KMT2E: variants seen among roughly 807,000 people sequenced by gnomAD.
The protein encoded by KMT2E is histone reader KMT2E.
A neutral mutation model predicts 184.6 loss-of-function variants in KMT2E; 30 were observed. The ratio of observed to expected loss-of-function variants is 0.16; its 90% CI spans 0.12 to 0.22. KMT2E has a LOEUF of 0.22. KMT2E is among the 10% of genes least tolerant of loss of function. The pLI is 1.00. For synonymous variants in KMT2E, 815 were observed against 776.5 expected (o/e 1.05, Z -0.82); for missense variants, 2,023 against 2,237.4 (o/e 0.90, Z 1.93).
At chr7:105,095,703 G>A (rs562115882) in intron 15 of KMT2E, among the ~76,000 whole-genome samples, 17 of 152,282 alleles carry the variant, frequency 1.1e-4, no homozygotes, top group Admixed American at 9.8e-4. Context: ...ATGTGGAACT[G>A]CATGGTTATT....
intron 15 of KMT2E, among the ~76,000 whole-genome samples, chr7:105,093,977 A>G (rs554322793): frequency 1.6e-4 from 24 of 152,314 alleles, no homozygotes; most frequent in African/African-American, 5.5e-4. Flanking sequence ...ATTAAAATCT[A>G]AAAATCCTTG....
At chr7:105,073,446 G>A (rs1417305581) in intron 6 of KMT2E, among the ~76,000 whole-genome samples, 173 bp from the exon 7 acceptor site, 1 of 151,378 alleles carries the variant, frequency 6.6e-6, no homozygotes, top group African/African-American at 2.4e-5. Context: ...TCATCTATCT[G>A]GCATCTACTG....
intron 1 of KMT2E, among the ~76,000 whole-genome samples, chr7:105,032,448 A>G (rs1795461354): frequency 1.3e-5 from 2 of 152,160 alleles, no homozygotes; most frequent in Admixed American, 1.3e-4. Flanking sequence ...CGTCTCAAGA[A>G]AAAAAAAGCG....
intron 3 of KMT2E, among the ~76,000 whole-genome samples, chr7:105,053,341 A>T (rs1259155408): frequency 1.3e-5 from 2 of 152,204 alleles, no homozygotes; most frequent in African/African-American, 4.8e-5. Flanking sequence ...AAAATTATTC[A>T]GTATAAAGAA....
intron 3 of KMT2E, among the ~76,000 whole-genome samples, chr7:105,049,598 A>G (rs1456421964): frequency 6.6e-6 from 1 of 151,832 alleles, no homozygotes; most frequent in African/African-American, 2.4e-5. Context: ...TCTCTTACAA[A>G]ACAGAAAAAT....
At chr7:105,025,998 GA>G (rs1279835876) in intron 1 of KMT2E, among the ~76,000 whole-genome samples, 1 of 152,136 alleles carries the variant, frequency 6.6e-6, no homozygotes, top group Non-Finnish European at 1.5e-5. Context: ...GTAGGAACAA[GA>G]AACCAGAATT....
chr7:105,051,079 TTC>T (rs935716661), intron 3 of KMT2E, among the ~76,000 whole-genome samples: 2 of 143,400 alleles, frequency 1.4e-5, no homozygotes, highest in Admixed American at 7.3e-5. Flanking sequence ...TTCTTTCTTC[TTC>T]TTTCTTTCTT....
chr7:105,035,041 T>C (rs1329044464), intron 1 of KMT2E, among the ~76,000 whole-genome samples: 2 of 150,178 alleles, frequency 1.3e-5, no homozygotes, highest in Non-Finnish European at 3.0e-5. Context: ...TTTTTTTTTT[T>C]TGAGACTGAG....
rs749298914 is a variant in KMT2E, at chr7:105,074,833, T to G, written c.729+18T>G. 3 of 1,581,624 alleles carry G rather than the reference T, an allele frequency of 1.9e-6. No homozygotes were observed. The highest frequency in any genetic ancestry group is 2.6e-6 in the Non-Finnish European group (3 of 1,163,816). On this transcript the variant is annotated intron_variant, in intron 8 of 26. Coordinates refer to ENST00000311117, the MANE Select transcript of KMT2E (RefSeq NM_182931.3). ...GTAAAAAGGTACGTTTTTGCTTGTT[T>G]TTAGGTGAGTGGATAGGATAGCGGA... is the stretch of plus-strand genomic sequence containing the variant.
chr7:105,078,634 A>G (rs1358654623), intron 11 of KMT2E, among the ~76,000 whole-genome samples: 2 of 144,734 alleles, frequency 1.4e-5, no homozygotes, highest in African/African-American at 5.1e-5. Context: ...CTGGGACTAC[A>G]GGCACATGCT....
chr7:105,022,463 A>G (rs113302657), intron 1 of KMT2E, among the ~76,000 whole-genome samples: 192 of 152,174 alleles, frequency 1.3e-3, no homozygotes, highest in Non-Finnish European at 1.9e-3. Flanking sequence ...GTGTTTTTCT[A>G]TCGTCTGGAG....
At position 105,068,624 on chromosome 7, in the gene KMT2E, G is replaced by GTTTTTT. The variant is rs77819480; in HGVS notation, c.497+1826_497+1831dup. On this transcript the variant is annotated intron_variant, in intron 6 of 26. Transcript: ENST00000311117. ...TCGCCACCATGCCTGACTAGTTGTG[G>GTTTTTT]TTTTTTTTTTTTTTGTTTTTTTTTT... 9.3e-4 allele frequency among the ~76,000 whole-genome samples: 104 copies of GTTTTTT among 112,254 alleles called. 12 individuals are homozygous for GTTTTTT. The highest frequency in any genetic ancestry group is 2.0e-3 in the African/African-American group (50 of 25,022). The allele number at this position is 112,254 out of a possible 152,430, so 73.6% of individuals were successfully genotyped here.
chr7:105,050,974 G>C (rs868695471), intron 3 of KMT2E, among the ~76,000 whole-genome samples: 30 of 151,962 alleles, frequency 2.0e-4, no homozygotes, highest in African/African-American at 7.0e-4. Flanking sequence ...TGGTCCACCT[G>C]CCTCGGCCTC....
intron 5 of KMT2E, chr7:105,063,853 A>G: frequency 2.1e-6 from 1 of 481,406 alleles, no homozygotes; most frequent in Non-Finnish European, 3.8e-6. Context: ...TAGTAGTACA[A>G]GTACATAAAC....
At chr7:105,027,614 C>G (rs1037169350) in intron 1 of KMT2E, among the ~76,000 whole-genome samples, 1 of 152,162 alleles carries the variant, frequency 6.6e-6, no homozygotes, top group African/African-American at 2.4e-5. Flanking sequence ...AGTGCACAGA[C>G]ATTTTCTTTC....
intron 1 of KMT2E, among the ~76,000 whole-genome samples, chr7:105,028,887 A>G (rs1454411989): frequency 1.3e-5 from 2 of 152,142 alleles, no homozygotes; most frequent in African/African-American, 2.4e-5. Flanking sequence ...AAATTTTTGT[A>G]GCTTTCTGTT....
intron 15 of KMT2E, among the ~76,000 whole-genome samples, chr7:105,092,590 AG>A (rs1798249460): frequency 6.6e-6 from 1 of 152,240 alleles, no homozygotes; most frequent in Non-Finnish European, 1.5e-5. Flanking sequence ...AAAAGCAAAC[AG>A]AAAATATTAG....
chr7:105,081,257 G>A (rs950312050), intron 12 of KMT2E, among the ~76,000 whole-genome samples: 2 of 151,690 alleles, frequency 1.3e-5, no homozygotes, highest in Admixed American at 1.3e-4. Flanking sequence ...GGTGGCAGGT[G>A]CCTGTAGTTC....
Position 105,112,792 on chromosome 7 carries a change from C to A in KMT2E, c.5036C>A (p.Pro1679Gln). Residue 1679 changes from proline (P) to glutamine (Q), a missense_variant, in exon 27 of 27, where the codon CCA becomes CAA. Physicochemically the swap from Pro to Gln is moderately conservative, Grantham distance 76 (BLOSUM62 -1). Around this residue, in one of 8 missense-constraint regions of KMT2E, gnomAD observed 1,108 missense variants for 1,050.9 expected, o/e 1.05. Coordinates refer to ENST00000311117, the MANE Select transcript of KMT2E (RefSeq NM_182931.3). ...CAAACTGCTGGACACCACTTACCCC[C>A]ACCCCCACCCCCTCCTGGTCCTGCC... is the stretch of plus-strand genomic sequence containing the variant. ...HSQTAGHHLP[P>Q]PPPPPGPAPH... The A allele has an allele frequency of 7.6e-6, 12 of 1,582,728 alleles. No homozygotes were observed. Among genetic ancestry groups the A allele is most frequent in the South Asian group, 5.6e-5 (5 of 89,130 alleles).
Sources: gnomAD v4.1 joint callset for allele counts (sites outside exome capture counted in the v4.1 genomes callset) on GRCh38, gnomAD v4.1.1 for gene constraint, gnomAD v4.1.1 regional missense constraint, MANE v1.5 for transcripts, NCBI Gene and HGNC (gene_info 2026-07-23, HGNC 2026-07-21) for gene names.